Variants in CCDC171 observed in about 807,000 individuals in gnomAD.
CCDC171 encodes coiled-coil domain containing 171, also known as coiled-coil domain-containing protein 171.
CCDC171 carries 177 observed loss-of-function variants against 168.2 expected under a neutral mutation model. The observed-to-expected ratio is 1.05, with a 90% CI of 0.93 to 1.19. The LOEUF (loss-of-function observed/expected upper bound fraction) is 1.19. Among genes scored for constraint, CCDC171 ranks in the 50% most tolerant of loss-of-function variants. The probability of loss-of-function intolerance (pLI) is 0.00; values close to 1 mark genes in which losing one functional copy is unlikely to be tolerated. For missense variants in CCDC171, 1,991 were observed against 1,539.0 expected, an observed-to-expected ratio of 1.29 and a Z score of -4.91; for synonymous variants, 687 against 540.8, an observed-to-expected ratio of 1.27 and a Z score of -3.75.
rs114249668 is a variant in CCDC171 at position 15,900,215 on chromosome 9, C to G, written c.3601-20055C>G. Among the ~76,000 whole-genome samples, 928 of 152,226 alleles carry G rather than the reference C, an allele frequency of 6.1e-3. 13 individuals carry two copies. Among genetic ancestry groups the G allele is most frequent in the African/African-American group, 0.021 (876 of 41,516 alleles). ...AAGAGATTGTCCTGGATGGGCCTGACCTAATCAGGTGACTCCTTTCAAGAA... is the reference window on the plus strand; with the variant it reads ...AAGAGATTGTCCTGGATGGGCCTGAGCTAATCAGGTGACTCCTTTCAAGAA... On this transcript the variant is annotated intron_variant, in intron 24 of 25. Coordinates refer to ENST00000380701, the MANE Select transcript of CCDC171 (RefSeq NM_173550.4).
chr9:15,625,574 G>A (rs200046243), intron 7 of CCDC171, among the ~76,000 whole-genome samples: 6 of 152,108 alleles, frequency 3.9e-5, no homozygotes, highest in African/African-American at 1.4e-4. Context: ...TAAAGAGGGA[G>A]TCCTTTCCCC....
chr9:15,908,691 A>C (rs759631045), intron 24 of CCDC171, among the ~76,000 whole-genome samples: 5 of 152,250 alleles, frequency 3.3e-5, no homozygotes, highest in African/African-American at 1.2e-4. Flanking sequence ...TAATTTATAA[A>C]GAAAAGAAAT....
chr9:15,769,599 C>A (rs1392215009), intron 18 of CCDC171, among the ~76,000 whole-genome samples: 1 of 152,176 alleles, frequency 6.6e-6, no homozygotes, highest in East Asian at 1.9e-4. Context: ...ACAGTTACTG[C>A]AGCTATCACA....
chr9:15,738,618 C>T (rs574309820), intron 16 of CCDC171, among the ~76,000 whole-genome samples: 7 of 151,772 alleles, frequency 4.6e-5, no homozygotes, highest in African/African-American at 1.4e-4. Flanking sequence ...GGAAAACATT[C>T]GATTTTTTTT....
chr9:16,102,852 G>C, the CCDC171 span, among the ~76,000 whole-genome samples: 1 of 152,136 alleles, frequency 6.6e-6, no homozygotes, highest in African/African-American at 2.4e-5. Flanking sequence ...AGTTTAATGA[G>C]AGGCATCGAC....
chr9:15,797,756 G>C (rs181789318), intron 21 of CCDC171, among the ~76,000 whole-genome samples: 119 of 152,062 alleles, frequency 7.8e-4, no homozygotes, highest in African/African-American at 2.7e-3. Context: ...AGAAATGTTT[G>C]CCTACTATGA....
intron 25 of CCDC171, among the ~76,000 whole-genome samples, chr9:15,944,468 T>G (rs1297724865): frequency 1.3e-5 from 2 of 152,058 alleles, no homozygotes; most frequent in Non-Finnish European, 2.9e-5. Flanking sequence ...ACTTTCCATG[T>G]GTGAGACATT....
intron 18 of CCDC171, among the ~76,000 whole-genome samples, chr9:15,768,368 T>G (rs186894978): frequency 2.0e-5 from 3 of 152,296 alleles, no homozygotes; most frequent in Non-Finnish European, 4.4e-5. Flanking sequence ...ATTCTCCATA[T>G]TCTACATTTC....
intron 24 of CCDC171, among the ~76,000 whole-genome samples, chr9:15,880,006 T>G (rs2131320102): frequency 6.6e-6 from 1 of 152,250 alleles, no homozygotes; most frequent in East Asian, 1.9e-4. Context: ...AGAAGAAAGT[T>G]TTTTCCTCTT....
intron 3 of CCDC171, among the ~76,000 whole-genome samples, chr9:15,574,769 A>G (rs1389725027): frequency 1.3e-5 from 2 of 152,230 alleles, no homozygotes; most frequent in African/African-American, 2.4e-5. Context: ...TTGGCACAAA[A>G]TATCTTTAAA....
In CCDC171 at chr9:15,851,542, T is replaced by C. The variant is rs550811286; in HGVS notation, c.3468+2595T>C. Among the ~76,000 whole-genome samples, 7 of 151,936 alleles carry C rather than the reference T, an allele frequency of 4.6e-5. No homozygotes were observed. In the East Asian group the frequency reaches 1.4e-3, roughly 30 times the overall value. On this transcript the variant is annotated intron_variant, in intron 23 of 25. Coordinates refer to ENST00000380701, the MANE Select transcript of CCDC171 (RefSeq NM_173550.4). ...TTAAAACACACCCTTCTCTCTTGAG[T>C]TGAAATTTTGGCCGCTTTTTATTTT...
At chr9:15,987,675 A>T (rs1222544478) in intron 3 of CCDC171, among the ~76,000 whole-genome samples, 4 of 152,232 alleles carry the variant, frequency 2.6e-5, no homozygotes. Flanking sequence ...TATTGACATG[A>T]AAAGTTGTTC....
At chr9:15,875,607 CA>C (rs1817736526) in intron 24 of CCDC171, 1 of 151,956 alleles carries the variant, frequency 6.6e-6, no homozygotes, top group Non-Finnish European at 1.5e-5. Flanking sequence ...GTGTCTTTCA[CA>C]TGTTGAGATT....
chr9:15,695,928 A>G (rs1056175886), intron 11 of CCDC171, among the ~76,000 whole-genome samples: 2 of 152,244 alleles, frequency 1.3e-5, no homozygotes, highest in African/African-American at 2.4e-5. Flanking sequence ...ATATTTTGAG[A>G]ACTAGCAAAA....
chr9:15,631,625 AT>A, intron 7 of CCDC171, among the ~76,000 whole-genome samples: 1 of 152,352 alleles, frequency 6.6e-6, no homozygotes, highest in East Asian at 1.9e-4. Flanking sequence ...TTCTGAAACT[AT>A]TCCAGTCAAT....
intron 11 of CCDC171, among the ~76,000 whole-genome samples, chr9:15,713,677 T>A (rs2052855960): frequency 6.6e-6 from 1 of 152,098 alleles, no homozygotes; most frequent in Non-Finnish European, 1.5e-5. Context: ...TTACTTTGCT[T>A]CTAACTCCTA....
intron 18 of CCDC171, among the ~76,000 whole-genome samples, chr9:15,773,293 C>A (rs574590403): frequency 6.6e-6 from 1 of 152,186 alleles, no homozygotes; most frequent in East Asian, 1.9e-4. Context: ...AGATAAAGAT[C>A]AAAATGCACA....
chr9:15,730,804 TTACTA>T (rs1484441160), intron 16 of CCDC171, among the ~76,000 whole-genome samples: 2 of 152,006 alleles, frequency 1.3e-5, no homozygotes, highest in East Asian at 1.9e-4. Flanking sequence ...TGTATGCAGA[TTACTA>T]TATTATATGC....
At chr9:15,832,160 T>C (rs2060261437) in intron 21 of CCDC171, among the ~76,000 whole-genome samples, 4 of 152,228 alleles carry the variant, frequency 2.6e-5, no homozygotes, top group Admixed American at 2.6e-4. Flanking sequence ...TTTTTTAAAC[T>C]TTTGGTGTGA....
Sources: gnomAD v4.1 joint callset for allele counts (sites outside exome capture counted in the v4.1 genomes callset) on GRCh38, gnomAD v4.1.1 for gene constraint, MANE v1.5 for transcripts, NCBI Gene and HGNC (gene_info 2026-07-23, HGNC 2026-07-21) for gene names.